MECOM: variants seen among roughly 807,000 people sequenced by gnomAD.
MECOM encodes histone-lysine N-methyltransferase MECOM.
Under a neutral mutation model 116.3 loss-of-function variants are expected in MECOM, and 13 were observed. The observed-to-expected ratio is 0.11, with a 90% CI of 0.07 to 0.18. The LOEUF (loss-of-function observed/expected upper bound fraction) is 0.18, where lower values mean the gene tolerates loss of function less well. MECOM is among the 10% of genes least tolerant of loss of function. The pLI is 1.00. For synonymous variants in MECOM, 528 were observed against 535.2 expected, an observed-to-expected ratio of 0.99 and a Z score of 0.19; for missense variants, 1,299 against 1,509.0, an observed-to-expected ratio of 0.86 and a Z score of 2.31.
At chr3:169,266,078 C>A (rs144930739) in intron 2 of MECOM, among the ~76,000 whole-genome samples, 1 of 152,240 alleles carries the variant, frequency 6.6e-6, no homozygotes, top group Non-Finnish European at 1.5e-5. Flanking sequence ...GCCAGTCAGA[C>A]ATCAAGGAGG....
chr3:169,198,948 G>A (rs777190818), intron 2 of MECOM, among the ~76,000 whole-genome samples: 1 of 151,984 alleles, frequency 6.6e-6, no homozygotes, highest in South Asian at 2.1e-4. Flanking sequence ...GACAGAATAA[G>A]AGTTTTTTAG....
At chr3:169,543,307 G>A (rs182835386) in intron 1 of MECOM, among the ~76,000 whole-genome samples, 350 of 152,346 alleles carry the variant, frequency 2.3e-3, no homozygotes, top group Middle Eastern at 6.8e-3. Flanking sequence ...GGGCACAGTG[G>A]CTCATGTCTG....
At chr3:169,255,954 T>C (rs755450532) in intron 2 of MECOM, among the ~76,000 whole-genome samples, 2 of 152,230 alleles carry the variant, frequency 1.3e-5, no homozygotes, top group Non-Finnish European at 2.9e-5. Flanking sequence ...GCCTGTACTT[T>C]ACTCTTTTCC....
intron 1 of MECOM, among the ~76,000 whole-genome samples, chr3:169,648,489 T>C (rs148796436): frequency 7.9e-4 from 121 of 152,374 alleles, no homozygotes; most frequent in African/African-American, 2.8e-3. Flanking sequence ...TAATACTGCA[T>C]CATTATCAAC....
intron 1 of MECOM, among the ~76,000 whole-genome samples, chr3:169,460,733 G>A (rs190578122): frequency 1.1e-3 from 173 of 152,214 alleles, no homozygotes; most frequent in African/African-American, 3.6e-3. Flanking sequence ...TACCAACAAG[G>A]CCCCCATTAG....
intron 1 of MECOM, among the ~76,000 whole-genome samples, chr3:169,562,743 C>T (rs1347748322): frequency 1.3e-5 from 2 of 152,038 alleles, no homozygotes; most frequent in African/African-American, 2.4e-5. Context: ...CTTCAACAGT[C>T]TGGGGGGCTG....
intron 12 of MECOM, among the ~76,000 whole-genome samples, chr3:169,098,650 A>C (rs929859405): frequency 6.6e-6 from 1 of 152,184 alleles, no homozygotes; most frequent in African/African-American, 2.4e-5. Context: ...GGCTGTGCAA[A>C]TATCCTCTTT....
chr3:169,483,199 T>A (rs1751608336), intron 1 of MECOM, among the ~76,000 whole-genome samples: 1 of 119,012 alleles, frequency 8.4e-6, no homozygotes, highest in Non-Finnish European at 1.7e-5. Flanking sequence ...TATTTTTATT[T>A]TTATTTTTTT....
At chr3:169,406,053 T>A (rs1022285891) in intron 1 of MECOM, among the ~76,000 whole-genome samples, 2 of 152,254 alleles carry the variant, frequency 1.3e-5, no homozygotes, top group Admixed American at 1.3e-4. Context: ...CCCATACTTC[T>A]ACACTATAAT....
chr3:169,256,343 G>GAA (rs202230592), intron 2 of MECOM, among the ~76,000 whole-genome samples: 5 of 127,514 alleles, frequency 3.9e-5, no homozygotes, highest in Admixed American at 7.9e-5. Context: ...ATTCAAACAA[G>GAA]AAAAAAAAAA....
At chr3:169,500,517 T>C (rs1410243929) in intron 1 of MECOM, among the ~76,000 whole-genome samples, 1 of 152,046 alleles carries the variant, frequency 6.6e-6, no homozygotes, top group Admixed American at 6.6e-5. Context: ...TAATGGTACT[T>C]GTTTCTGAGT....
intron 1 of MECOM, among the ~76,000 whole-genome samples, chr3:169,425,629 G>A (rs950125472): frequency 1.3e-5 from 2 of 152,122 alleles, no homozygotes; most frequent in Non-Finnish European, 2.9e-5. Flanking sequence ...GGAAACAAAG[G>A]TTTAGAAAAG....
intron 1 of MECOM, among the ~76,000 whole-genome samples, chr3:169,591,820 CT>C (rs1262989127): frequency 1.3e-5 from 2 of 152,190 alleles, no homozygotes; most frequent in East Asian, 3.8e-4. Context: ...TGATAAAATT[CT>C]TTCCTAAAAG....
At chr3:169,112,684 G>A (rs1727821539) in intron 9 of MECOM, 103 bp downstream of exon 9, 1 of 889,378 alleles carries the variant, frequency 1.1e-6, no homozygotes, top group East Asian at 2.4e-5. Flanking sequence ...CAGCGTCATA[G>A]GAAATCCTAA....
At chr3:169,503,128 G>A (rs893889174) in intron 1 of MECOM, among the ~76,000 whole-genome samples, 2 of 152,176 alleles carry the variant, frequency 1.3e-5, no homozygotes, top group Admixed American at 1.3e-4. Flanking sequence ...TTTAGAGAGA[G>A]TGAACTGGGA....
chr3:169,388,441 A>T (rs909553119), intron 1 of MECOM, among the ~76,000 whole-genome samples: 2 of 152,196 alleles, frequency 1.3e-5, no homozygotes, highest in African/African-American at 2.4e-5. Flanking sequence ...GGAGGCTATG[A>T]ACTGGCCAGC....
At chr3:169,110,175 T>C (rs1726871543) in intron 9 of MECOM, among the ~76,000 whole-genome samples, 1 of 152,194 alleles carries the variant, frequency 6.6e-6, no homozygotes. Flanking sequence ...TCATTCTGTT[T>C]TGGCTCCTTG....
chr3:169,210,522 A>G (rs966974525), intron 2 of MECOM, among the ~76,000 whole-genome samples: 2 of 152,224 alleles, frequency 1.3e-5, no homozygotes, highest in Non-Finnish European at 2.9e-5. Flanking sequence ...ATGAAGGGCT[A>G]TCAACATAAT....
chr3:169,435,900 C>A (rs1390416997), intron 1 of MECOM, among the ~76,000 whole-genome samples: 1 of 152,136 alleles, frequency 6.6e-6, no homozygotes, highest in Non-Finnish European at 1.5e-5. Context: ...CAATAATGGA[C>A]CAAAACGGTA....
Sources: gnomAD v4.1 joint callset for allele counts (sites outside exome capture counted in the v4.1 genomes callset) on GRCh38, gnomAD v4.1.1 for gene constraint, MANE v1.5 for transcripts, NCBI Gene and HGNC (gene_info 2026-07-23, HGNC 2026-07-21) for gene names.